SPDYC: variants seen among roughly 807,000 people sequenced by gnomAD.
SPDYC encodes the protein speedy/RINGO cell cycle regulator family member C, also known as speedy protein C.
SPDYC carries 25 observed loss-of-function variants against 33.9 expected under a neutral mutation model. The observed-to-expected ratio is 0.74, with a 90% CI of 0.54 to 1.03. The LOEUF is 1.03. Among genes scored for constraint, SPDYC ranks in the 50% least tolerant of loss-of-function variants. The pLI is 0.00. For synonymous variants in SPDYC, 133 were observed against 140.2 expected, an observed-to-expected ratio of 0.95 and a Z score of 0.36; for missense variants, 349 against 382.9, an observed-to-expected ratio of 0.91 and a Z score of 0.74.
At position 65,171,926 on chromosome 11, in the gene SPDYC, G is replaced by A. The variant is rs1948439582; in HGVS notation, c.200-17G>A. On this transcript the variant is annotated splice_polypyrimidine_tract_variant and intron_variant, in intron 2 of 6. Transcript: ENST00000377185. The stretch of plus-strand genomic sequence containing the variant: ...GTGGTGGTAACCTGCGTCCTGTCAT[G>A]TCTTCTCTACCCTCAGAGGACAGTT... 1 of 1,613,640 alleles carries A rather than the reference G, an allele frequency of 6.2e-7. No individual in the cohort carries two copies. The highest frequency in any genetic ancestry group is 8.5e-7 in the Non-Finnish European group (1 of 1,179,704).
intron 1 of SPDYC, among the ~76,000 whole-genome samples, 191 bp downstream of exon 1, chr11:65,170,452 C>T (rs1215172781): frequency 1.3e-5 from 2 of 152,134 alleles, no homozygotes; most frequent in Non-Finnish European, 2.9e-5. Flanking sequence ...GCTCTAAATC[C>T]AGGTATTTTT....
At chr11:65,172,802 C>T (rs377344301) in exon 6 of SPDYC, 113 of 1,613,944 alleles carry the variant, frequency 7.0e-5, no homozygotes, top group Middle Eastern at 1.6e-4. Context: ...CCTGGCCTCT[C>T]GCCGCCCCAC....
At chr11:65,172,751 A>G in exon 6 of SPDYC, 1 of 1,613,942 alleles carries the variant, frequency 6.2e-7, no homozygotes, top group Non-Finnish European at 8.5e-7. Context: ...GGTGGGGTTC[A>G]GAGGGTCTGT....
At chr11:65,172,774 G>T (rs776609374) in exon 6 of SPDYC, 11 of 1,614,000 alleles carry the variant, frequency 6.8e-6, no homozygotes, top group Non-Finnish European at 9.3e-6. Context: ...ACAGGTCCCT[G>T]TTCGCCTTCC....
In SPDYC at chr11:65,173,237, C is replaced by T. The variant is rs1473287218; in HGVS notation, c.*20C>T. The T allele has an allele frequency of 2.5e-6, 4 of 1,612,604 alleles. No individual in the cohort carries two copies. In the Admixed American group the frequency reaches 5.0e-5, roughly 20 times the overall value. On this transcript the variant is annotated 3_prime_UTR_variant, in exon 7 of 7. Coordinates refer to ENST00000377185, the Ensembl canonical transcript of SPDYC. Reference sequence around the variant, plus strand: ...CACTGAAGCTCTGCAGGGTGAAGAACAGCACGCCTGCTGGCCCACTGACTG... The same window carrying T: ...CACTGAAGCTCTGCAGGGTGAAGAATAGCACGCCTGCTGGCCCACTGACTG...
chr11:65,172,313 G>A lies in SPDYC; in HGVS notation c.326G>A (p.Ser109Asn). The stretch of plus-strand genomic sequence containing the variant: ...CTGAAGCTCAGCGAGTATACCCACA[G>A]CAGCCTGTTCTTGGCCCTGTGAGTG... The change falls in exon 4 of 7, where the codon AGC becomes AAC. Residue 109 changes from serine to asparagine, a missense_variant. Physicochemically the swap from Ser to Asn is conservative, Grantham distance 46 (BLOSUM62 1). Coordinates refer to ENST00000377185, the Ensembl canonical transcript of SPDYC. 4 of 1,614,122 alleles carry A rather than the reference G, an allele frequency of 2.5e-6. No homozygotes were observed. The highest frequency in any genetic ancestry group is 3.4e-6 in the Non-Finnish European group (4 of 1,180,018).
intron 3 of SPDYC, 77 bp downstream of exon 3, chr11:65,172,078 A>G: frequency 6.5e-7 from 1 of 1,529,770 alleles, no homozygotes; most frequent in South Asian, 1.1e-5. Context: ...TCTGGTAGGG[A>G]GAGCCACTCA....
chr11:65,171,034 G>A (rs1223996258), intron 1 of SPDYC, among the ~76,000 whole-genome samples: 1 of 152,046 alleles, frequency 6.6e-6, no homozygotes, highest in Non-Finnish European at 1.5e-5. Flanking sequence ...ATAAGATAAG[G>A]CCCTTAAGCA....
chr11:65,171,589 T>A (rs1445506734), intron 2 of SPDYC, 90 bp downstream of exon 2: 5 of 1,343,050 alleles, frequency 3.7e-6, no homozygotes, highest in Non-Finnish European at 4.9e-6. Flanking sequence ...TGTACAGACA[T>A]CTGAGACCTC....
chr11:65,170,690 C>T (rs1948421533), intron 1 of SPDYC, among the ~76,000 whole-genome samples: 1 of 151,786 alleles, frequency 6.6e-6, no homozygotes, highest in South Asian at 2.1e-4. Flanking sequence ...CTGGCCAACA[C>T]GGTGAAACCC....
chr11:65,173,370 C>A (rs1590841888), downstream of SPDYC: 1 of 942,430 alleles, frequency 1.1e-6, no homozygotes, highest in Non-Finnish European at 1.6e-6. Flanking sequence ...AGGACACCAA[C>A]TGTGCTTAGG....
At chr11:65,172,488 T>C (rs756052796) in exon 5 of SPDYC, 18 of 1,581,892 alleles carry the variant, frequency 1.1e-5, no homozygotes, top group Non-Finnish European at 1.4e-5. Context: ...GTGAGATTTT[T>C]CCATGGGCCC....
chr11:65,172,504 A>C, exon 5 of SPDYC: 1 of 1,582,298 alleles, frequency 6.3e-7, no homozygotes, highest in Non-Finnish European at 8.6e-7. Flanking sequence ...GGCCCTGGGA[A>C]AAGATTGGTG....
chr11:65,171,579 T>C (rs1948434802), intron 2 of SPDYC, 80 bp downstream of exon 2: 3 of 1,394,186 alleles, frequency 2.2e-6, no homozygotes, highest in Non-Finnish European at 1.9e-6. Context: ...CTCACCTGCC[T>C]GTACAGACAT....
At chr11:65,172,890 C>T in exon 6 of SPDYC, 1 of 1,614,176 alleles carries the variant, frequency 6.2e-7, no homozygotes, top group Non-Finnish European at 8.5e-7. Flanking sequence ...CTTCTCTGAC[C>T]TCTGAATGTC....
At chr11:65,172,482 G>C in exon 5 of SPDYC, 1 of 1,582,290 alleles carries the variant, frequency 6.3e-7, no homozygotes, top group Non-Finnish European at 8.6e-7. Context: ...CCAAATGTGA[G>C]ATTTTTCCAT....
At position 65,172,169 on chromosome 11, in the gene SPDYC, T is replaced by A. The variant is rs148127875; in HGVS notation, c.259-77T>A. 1.1e-4 allele frequency: 168 copies of A among 1,572,130 alleles called. No homozygotes were observed. In the African/African-American group the frequency reaches 1.8e-3, roughly 17 times the overall value. ...TTCTTTCCCTGCAGCAAAACCTCCC[T>A]GGGTGCAAATGAACCTGGGTGCAAG... On this transcript the variant is annotated intron_variant, in intron 3 of 6. Transcript: ENST00000377185.
In SPDYC at chr11:65,170,235, T is replaced by C. The variant is rs146523202; in HGVS notation, c.-1T>C. ...AGCGCACTCGCGGCGGCGTTGGTGT[T>C]ATGCTCTGGGCCATTCCTGAGCTCG... On this transcript the variant is annotated 5_prime_UTR_variant, in exon 1 of 7. Transcript: ENST00000377185. 1.2e-3 allele frequency: 1,857 copies of C among 1,574,358 alleles called. 14 individuals carry two copies. In the African/African-American group the frequency reaches 0.022, roughly 19 times the overall value.
At chr11:65,172,254 G>A (rs200105241) in exon 4 of SPDYC, 56 of 1,614,018 alleles carry the variant, frequency 3.5e-5, no homozygotes, top group South Asian at 1.1e-5. Flanking sequence ...AGTATCTCCT[G>A]GCCATGGTGC....
Sources: gnomAD v4.1 joint callset for allele counts (sites outside exome capture counted in the v4.1 genomes callset) on GRCh38, gnomAD v4.1.1 for gene constraint, MANE v1.5 for transcripts, NCBI Gene and HGNC (gene_info 2026-07-23, HGNC 2026-07-21) for gene names.